KLHL7: variants seen among roughly 807,000 people sequenced by gnomAD.
KLHL7 encodes the protein kelch like family member 7, also known as kelch-like protein 7.
In KLHL7, 44 loss-of-function variants were observed where a neutral mutation model predicts 67.4. The observed-to-expected ratio is 0.65, with a 90% CI of 0.51 to 0.84. The LOEUF is 0.84. Ranked by LOEUF, KLHL7 falls within the 40% of genes least tolerant of loss-of-function variation. The pLI is 0.00. For missense variants in KLHL7, 362 were observed against 718.1 expected, an observed-to-expected ratio of 0.50 and a Z score of 5.67; for synonymous variants, 252 against 243.3, an observed-to-expected ratio of 1.04 and a Z score of -0.33.
intron 6 of KLHL7, among the ~76,000 whole-genome samples, chr7:23,144,387 A>G (rs888206866): frequency 1.3e-5 from 2 of 152,134 alleles, no homozygotes; most frequent in Non-Finnish European, 2.9e-5. Flanking sequence ...TGGCCCAGAG[A>G]TAAATATTGC....
At chr7:23,149,312 C>T (rs1391227270) in intron 6 of KLHL7, among the ~76,000 whole-genome samples, 2 of 152,256 alleles carry the variant, frequency 1.3e-5, no homozygotes, top group Non-Finnish European at 2.9e-5. Flanking sequence ...AAAAAAAAGG[C>T]CCATTAGTGA....
At chr7:23,130,863 G>T (rs1783774085) in intron 4 of KLHL7, among the ~76,000 whole-genome samples, 1 of 152,122 alleles carries the variant, frequency 6.6e-6, no homozygotes, top group Non-Finnish European at 1.5e-5. Flanking sequence ...TTACGAAATA[G>T]AAATAATAGA....
At chr7:23,164,124 C>G (rs1218445702) in intron 7 of KLHL7, among the ~76,000 whole-genome samples, 1 of 151,876 alleles carries the variant, frequency 6.6e-6, no homozygotes, top group Non-Finnish European at 1.5e-5. Context: ...AGCCACTGAG[C>G]TGACAAGACT....
intron 7 of KLHL7, among the ~76,000 whole-genome samples, chr7:23,153,109 G>A (rs1469644069): frequency 1.3e-5 from 2 of 152,138 alleles, no homozygotes; most frequent in Non-Finnish European, 1.5e-5. Flanking sequence ...GATAAAAACT[G>A]ACCTTAGGCT....
chr7:23,126,640 A>G (rs1029979746), intron 4 of KLHL7, among the ~76,000 whole-genome samples: 1 of 152,192 alleles, frequency 6.6e-6, no homozygotes, highest in African/African-American at 2.4e-5. Flanking sequence ...TACTTTTTGT[A>G]GGCTTTCCTC....
intron 4 of KLHL7, among the ~76,000 whole-genome samples, chr7:23,137,701 A>G (rs953460136): frequency 8.0e-5 from 12 of 149,722 alleles, no homozygotes; most frequent in African/African-American, 2.7e-4. Context: ...CTGGTCTCGA[A>G]CTCCTGACCT....
chr7:23,154,348 A>G lies in KLHL7; in HGVS notation c.936+2139A>G, dbSNP rs566010743. 6.1e-4 allele frequency among the ~76,000 whole-genome samples: 63 copies of G among 102,528 alleles called. 1 individual carries two copies. Among genetic ancestry groups the G allele is most frequent in the African/African-American group, 2.1e-3 (62 of 29,014 alleles). 67.3% of individuals were successfully genotyped at this position (102,528 alleles called of 152,430 possible). On this transcript the variant is annotated intron_variant, in intron 7 of 10. Coordinates refer to ENST00000339077, the MANE Select transcript of KLHL7 (RefSeq NM_001031710.3). ...CCAGCCTGGGCAACAGAGTGAGACT[A>G]TGTCTCAAAACAAACAAACAAACAA...
intron 4 of KLHL7, among the ~76,000 whole-genome samples, chr7:23,126,596 A>G (rs1783582688): frequency 6.6e-6 from 1 of 152,196 alleles, no homozygotes; most frequent in Admixed American, 6.5e-5. Context: ...GCTCCTGAAG[A>G]TGCTTCAGAA....
At chr7:23,107,818 C>A (rs985077595) in intron 1 of KLHL7, among the ~76,000 whole-genome samples, 2 of 152,198 alleles carry the variant, frequency 1.3e-5, no homozygotes, top group African/African-American at 4.8e-5. Flanking sequence ...TCAAACAGTT[C>A]TCCAATAGCA....
chr7:23,161,566 CA>C (rs1380893061), intron 7 of KLHL7, among the ~76,000 whole-genome samples: 1 of 152,094 alleles, frequency 6.6e-6, no homozygotes, highest in African/African-American at 2.4e-5. Context: ...TTTGGATTTA[CA>C]AAAACAGGAG....
Position 23,173,133 on chromosome 7 carries a change from A to G in KLHL7, c.1477+88A>G, listed in dbSNP as rs375877191. The G allele has an allele frequency of 2.5e-4, 214 of 868,604 alleles. No individual in the cohort carries two copies. The African/African-American group carries it at 3.0e-3, about 12-fold the overall frequency. The allele number at this position is 868,604 out of a possible 1,614,324, so 53.8% of individuals were successfully genotyped here. A position where few individuals can be genotyped will look rare whatever the true frequency, so the allele number is the denominator to read the frequency against. ...TTGAAGCATTTTTAAAAATCTAGAT[A>G]GAAGCATTTACCATGTATATTATTA... On this transcript the variant is annotated intron_variant, in intron 10 of 10. Transcript: ENST00000339077.
intron 4 of KLHL7, 99 bp downstream of exon 4, chr7:23,125,271 C>T (rs1421115968): frequency 2.4e-6 from 3 of 1,262,902 alleles, no homozygotes; most frequent in African/African-American, 3.0e-5. Flanking sequence ...CCGCATTTAA[C>T]CTTAAAGACA....
intron 7 of KLHL7, among the ~76,000 whole-genome samples, chr7:23,158,512 A>G (rs1464886907): frequency 2.0e-5 from 3 of 152,194 alleles, no homozygotes; most frequent in African/African-American, 7.2e-5. Flanking sequence ...GGTATGGATT[A>G]TTTTCTATGA....
intron 1 of KLHL7, among the ~76,000 whole-genome samples, chr7:23,119,522 A>G (rs1783242375): frequency 6.6e-6 from 1 of 152,292 alleles, no homozygotes; most frequent in South Asian, 2.1e-4. Flanking sequence ...ACATATTATT[A>G]ACATTCATAG....
chr7:23,171,123 C>T (rs551732754), intron 9 of KLHL7: 7 of 304,752 alleles, frequency 2.3e-5, no homozygotes, highest in Non-Finnish European at 2.7e-5. Context: ...GCCAGGATGG[C>T]CTCCATCTCT....
At position 23,174,362 on chromosome 7, in the gene KLHL7, G is replaced by T; in HGVS notation, c.*64G>T. On this transcript the variant is annotated 3_prime_UTR_variant, in exon 11 of 11. Transcript: ENST00000339077. ...TATAGCCACCAGTGCTTTGTTCCAG[G>T]AGTTTGGTGACAAAGTTTTGGTTTG... The T allele has an allele frequency of 6.4e-7, 1 of 1,565,176 alleles. No individual in the cohort carries two copies. The highest frequency in any genetic ancestry group is 8.8e-7 in the Non-Finnish European group (1 of 1,137,020).
At chr7:23,168,758 G>A (rs977657897) in intron 9 of KLHL7, among the ~76,000 whole-genome samples, 8 of 152,184 alleles carry the variant, frequency 5.3e-5, no homozygotes, top group Non-Finnish European at 1.0e-4. Context: ...AACATCCAAA[G>A]AGCTTTGATA....
intron 1 of KLHL7, among the ~76,000 whole-genome samples, chr7:23,110,537 T>TA (rs894988245): frequency 4.1e-4 from 62 of 152,178 alleles, no homozygotes; most frequent in African/African-American, 1.4e-3. Context: ...AATCTCAACA[T>TA]ACCCCTCTAA....
At chr7:23,131,387 GA>G (rs34465022) in intron 4 of KLHL7, among the ~76,000 whole-genome samples, 16 of 151,762 alleles carry the variant, frequency 1.1e-4, no homozygotes, top group African/African-American at 3.9e-4. Flanking sequence ...TCTTTTGATT[GA>G]AAAAAAATTA....
Sources: allele counts gnomAD v4.1 joint callset (sites outside exome capture counted in the v4.1 genomes callset), GRCh38; gene constraint gnomAD v4.1.1; transcripts MANE v1.5; gene names NCBI Gene and HGNC (gene_info 2026-07-23, HGNC 2026-07-21).